Variants in NBAS observed in about 807,000 individuals in gnomAD.
NBAS encodes the protein NAG/BC035112 fusion.
A neutral mutation model predicts 302.5 loss-of-function variants in NBAS; 219 were observed. The ratio of observed to expected loss-of-function variants is 0.72; its 90% confidence interval spans 0.65 to 0.81. The LOEUF is 0.81. Among genes scored for constraint, NBAS ranks in the 30% least tolerant of loss-of-function variants. The probability of loss-of-function intolerance (pLI) is 0.00; values close to 1 mark genes in which losing one functional copy is unlikely to be tolerated. For missense variants in NBAS, 2,932 were observed against 2,841.6 expected (o/e 1.03, Z -0.72); for synonymous variants, 1,118 against 1,021.6 (o/e 1.09, Z -1.80).
chr2:14,904,892 A>G, the NBAS span, among the ~76,000 whole-genome samples: 14 of 130,326 alleles, frequency 1.1e-4, no homozygotes, highest in African/African-American at 5.0e-4. Flanking sequence ...TACTAAAAAT[A>G]CAAAAAATTA....
At chr2:14,977,586 G>A in the NBAS span, among the ~76,000 whole-genome samples, 2 of 152,122 alleles carry the variant, frequency 1.3e-5, no homozygotes, top group Non-Finnish European at 2.9e-5. Context: ...ATTTCTTCTG[G>A]CTTTACTTTT....
chr2:14,984,087 A>T, the NBAS span, among the ~76,000 whole-genome samples: 1 of 152,226 alleles, frequency 6.6e-6, no homozygotes, highest in African/African-American at 2.4e-5. Flanking sequence ...CAATGAAGAA[A>T]ACTTAAAAGC....
At chr2:15,323,463 A>T (rs1671914628) in intron 38 of NBAS, among the ~76,000 whole-genome samples, 1 of 152,196 alleles carries the variant, frequency 6.6e-6, no homozygotes, top group African/African-American at 2.4e-5. Flanking sequence ...TGAAGAATGG[A>T]CACATGAGGC....
the NBAS span, among the ~76,000 whole-genome samples, chr2:15,044,755 T>C: frequency 1.3e-5 from 2 of 152,210 alleles, no homozygotes; most frequent in African/African-American, 4.8e-5. Context: ...ATTTTCTAAA[T>C]TGTAAACAAC....
At chr2:15,405,082 G>C (rs1219830130) in intron 25 of NBAS, among the ~76,000 whole-genome samples, 2 of 151,954 alleles carry the variant, frequency 1.3e-5, no homozygotes, top group Non-Finnish European at 2.9e-5. Flanking sequence ...CTCCTACCTG[G>C]AATGTCTTCT....
intron 21 of NBAS, among the ~76,000 whole-genome samples, chr2:15,428,526 T>A (rs1429809075): frequency 6.6e-6 from 1 of 152,046 alleles, no homozygotes; most frequent in Non-Finnish European, 1.5e-5. Context: ...GCCAAGGAGT[T>A]CAAGGCTAGC....
In NBAS at chr2:15,239,399, G is replaced by A. The variant is rs377514470; in HGVS notation, c.5725-713C>T. Among the ~76,000 whole-genome samples the A allele has an allele frequency of 2.1e-3, 283 of 134,008 alleles. 2 individuals carry two copies. Among genetic ancestry groups the A allele is most frequent in the African/African-American group, 6.4e-3 (254 of 39,710 alleles). The allele number at this position is 134,008 out of a possible 152,430, so 87.9% of individuals were successfully genotyped here. On this transcript the variant is annotated intron_variant, in intron 44 of 51. Coordinates refer to ENST00000281513, the MANE Select transcript of NBAS (RefSeq NM_015909.4). ...TGTGTGTATGTGTGCGTGTGTGTGT[G>A]TGTATATATATATATATATATGTTG...
chr2:15,199,817 G>A lies in NBAS; in HGVS notation c.6433-9414C>T, dbSNP rs567116428. Among the ~76,000 whole-genome samples, 17 of 151,808 alleles carry A rather than the reference G, an allele frequency of 1.1e-4. No individual in the cohort carries two copies. The South Asian group carries it at 2.5e-3, about 22-fold the overall frequency. ...AATAAAGTAGCTGGCAAAGATTGGT[G>A]CATAGTAGGCACACAGGAAATGATA... is the stretch of plus-strand genomic sequence containing the variant. On this transcript the variant is annotated intron_variant, in intron 48 of 51. Coordinates refer to ENST00000281513, the MANE Select transcript of NBAS (RefSeq NM_015909.4).
Position 15,352,094 on chromosome 2 carries a change from T to C in NBAS, c.4090-13A>G, listed in dbSNP as rs772325780. On this transcript the variant is annotated splice_polypyrimidine_tract_variant and intron_variant, in intron 34 of 51. Coordinates refer to ENST00000281513, the MANE Select transcript of NBAS (RefSeq NM_015909.4). ...TTTGATAAAGAATCTAAAACAAGAA[T>C]AGGCTATATTGTAAAGGAGTTACGT... 6 of 1,561,240 alleles carry C rather than the reference T, an allele frequency of 3.8e-6. No individual in the cohort carries two copies. Among genetic ancestry groups the C allele is most frequent in the Non-Finnish European group, 5.3e-6 (6 of 1,132,748 alleles).
intron 38 of NBAS, among the ~76,000 whole-genome samples, chr2:15,314,584 C>CA: frequency 6.6e-6 from 1 of 152,164 alleles, no homozygotes; most frequent in South Asian, 2.1e-4. Flanking sequence ...AACCACAGCC[C>CA]AAAAAATCCA....
chr2:15,011,916 T>A, the NBAS span, among the ~76,000 whole-genome samples: 5,878 of 152,234 alleles, frequency 0.039, 153 homozygotes, highest in Non-Finnish European at 0.057. Flanking sequence ...TCTATATGAA[T>A]GAGTATTTTC....
intron 44 of NBAS, among the ~76,000 whole-genome samples, chr2:15,239,310 T>C (rs1216116792): frequency 6.6e-6 from 1 of 151,822 alleles, no homozygotes; most frequent in African/African-American, 2.4e-5. Flanking sequence ...ATATATGTAT[T>C]TTATGTATTT....
the NBAS span, among the ~76,000 whole-genome samples, chr2:15,114,627 A>G: frequency 6.6e-6 from 1 of 152,104 alleles, no homozygotes; most frequent in Non-Finnish European, 1.5e-5. Flanking sequence ...CTATAAAGAA[A>G]AATAAAGGAG....
intron 9 of NBAS, among the ~76,000 whole-genome samples, chr2:15,526,177 A>G (rs988185360): frequency 2.0e-5 from 3 of 152,204 alleles, no homozygotes; most frequent in African/African-American, 7.2e-5. Context: ...GGTTGAAGAA[A>G]GGAAGCAAGA....
At chr2:15,122,893 G>T in the NBAS span, among the ~76,000 whole-genome samples, 3 of 152,316 alleles carry the variant, frequency 2.0e-5, no homozygotes, top group East Asian at 3.9e-4. Flanking sequence ...CTGAAGCTGA[G>T]GCTGAAGGAG....
intron 21 of NBAS, among the ~76,000 whole-genome samples, chr2:15,434,909 T>C (rs557525042): frequency 6.6e-6 from 1 of 152,228 alleles, no homozygotes; most frequent in East Asian, 1.9e-4. Context: ...TCTAATAAAT[T>C]CCACTCCCTA....
intron 45 of NBAS, among the ~76,000 whole-genome samples, chr2:15,237,608 T>C (rs143720187): frequency 0.038 from 5,143 of 134,176 alleles, 133 homozygotes; most frequent in Non-Finnish European, 0.05. Context: ...ATTTATTTAT[T>C]TATCTGAGAC....
intron 50 of NBAS, among the ~76,000 whole-genome samples, chr2:15,182,372 G>A (rs890203200): frequency 6.6e-6 from 1 of 152,192 alleles, no homozygotes; most frequent in Non-Finnish European, 1.5e-5. Flanking sequence ...GGAAAGCAGA[G>A]GTAAAATGGT....
At chr2:14,808,214 T>C in the NBAS span, among the ~76,000 whole-genome samples, 1 of 152,172 alleles carries the variant, frequency 6.6e-6, no homozygotes, top group African/African-American at 2.4e-5. Flanking sequence ...TTCAGAGAAG[T>C]AAATTAACTC....
Sources: allele counts gnomAD v4.1 joint callset (sites outside exome capture counted in the v4.1 genomes callset), GRCh38; gene constraint gnomAD v4.1.1; transcripts MANE v1.5; gene names NCBI Gene and HGNC (gene_info 2026-07-23, HGNC 2026-07-21).